Variants in ARFIP1 observed in about 807,000 individuals in gnomAD.
ARFIP1 encodes ARF interacting protein 1.
Under a neutral mutation model 42.5 loss-of-function variants are expected in ARFIP1, and 24 were observed. That is an observed-to-expected ratio of 0.57 (90% CI 0.41 to 0.80). The LOEUF (loss-of-function observed/expected upper bound fraction) is 0.80, where lower values mean the gene tolerates loss of function less well. Among genes scored for constraint, ARFIP1 ranks in the 30% least tolerant of loss-of-function variants. The pLI is 0.00. For missense variants in ARFIP1, 354 were observed against 434.0 expected (o/e 0.82, Z 1.64); for synonymous variants, 141 against 153.7 (o/e 0.92, Z 0.61).
chr4:152,887,222 G>C (rs112214242), intron 7 of ARFIP1, among the ~76,000 whole-genome samples: 182 of 152,076 alleles, frequency 1.2e-3, no homozygotes, highest in African/African-American at 4.1e-3. Flanking sequence ...CTGTGATAGA[G>C]CTATTATGAG....
chr4:152,851,802 T>A (rs1409112974), intron 2 of ARFIP1, among the ~76,000 whole-genome samples: 1 of 152,208 alleles, frequency 6.6e-6, no homozygotes, highest in East Asian at 1.9e-4. Context: ...TGTGTTGGTT[T>A]TACACTACAG....
intron 1 of ARFIP1, among the ~76,000 whole-genome samples, chr4:152,804,947 A>G (rs1383669351): frequency 6.6e-6 from 1 of 152,106 alleles, no homozygotes; most frequent in Non-Finnish European, 1.5e-5. Flanking sequence ...CTCATCTGTA[A>G]GATTGGGAAA....
At chr4:152,893,312 C>T (rs755386833) in intron 8 of ARFIP1, among the ~76,000 whole-genome samples, 6 of 152,184 alleles carry the variant, frequency 3.9e-5, no homozygotes, top group South Asian at 2.1e-4. Context: ...AGCATAGTCT[C>T]TCAGAAATGC....
At chr4:152,809,946 TTGAAC>T (rs1415108514) in intron 1 of ARFIP1, 1 of 152,228 alleles carries the variant, frequency 6.6e-6, no homozygotes, top group African/African-American at 2.4e-5. Context: ...TAGAATGTAC[TTGAAC>T]TTAACAAGGA....
At chr4:152,826,239 G>A (rs1437118647) in intron 1 of ARFIP1, among the ~76,000 whole-genome samples, 1 of 152,112 alleles carries the variant, frequency 6.6e-6, no homozygotes, top group East Asian at 1.9e-4. Flanking sequence ...CAACCAATGA[G>A]TAGATAAAGA....
chr4:152,812,164 C>A (rs993956506), intron 1 of ARFIP1, among the ~76,000 whole-genome samples: 1 of 152,118 alleles, frequency 6.6e-6, no homozygotes, highest in African/African-American at 2.4e-5. Flanking sequence ...CTCCCCTTAC[C>A]CCCAGAATCT....
intron 1 of ARFIP1, among the ~76,000 whole-genome samples, chr4:152,827,673 A>G (rs1730948811): frequency 6.6e-6 from 1 of 151,968 alleles, no homozygotes; most frequent in African/African-American, 2.4e-5. Context: ...AGCCTTTTCA[A>G]ATTGGGTTTT....
intron 5 of ARFIP1, among the ~76,000 whole-genome samples, chr4:152,875,405 T>C (rs370023561): frequency 2.1e-5 from 3 of 139,536 alleles, no homozygotes; most frequent in Non-Finnish European, 3.1e-5. Flanking sequence ...AAAAAAAGAA[T>C]AATCTCTCAG....
chr4:152,806,205 AAC>A (rs1309483195), intron 1 of ARFIP1, among the ~76,000 whole-genome samples: 1 of 152,252 alleles, frequency 6.6e-6, no homozygotes, highest in Non-Finnish European at 1.5e-5. Flanking sequence ...CTCTGGATCA[AAC>A]ACAGGGAAAA....
At chr4:152,787,572 A>G (rs1466851916) in intron 1 of ARFIP1, among the ~76,000 whole-genome samples, 1 of 152,394 alleles carries the variant, frequency 6.6e-6, no homozygotes, top group East Asian at 1.9e-4. Flanking sequence ...ATATAAATTC[A>G]GAGACGGGAA....
chr4:152,828,005 T>A (rs1730974079), intron 1 of ARFIP1, among the ~76,000 whole-genome samples: 1 of 152,214 alleles, frequency 6.6e-6, no homozygotes, highest in South Asian at 2.1e-4. Context: ...TTGCATAAAT[T>A]TCCTCCATGT....
intron 8 of ARFIP1, among the ~76,000 whole-genome samples, chr4:152,898,349 A>G (rs879364498): frequency 7.9e-5 from 12 of 152,234 alleles, no homozygotes; most frequent in East Asian, 3.9e-4. Flanking sequence ...TGTTGACCAT[A>G]ATTTCCTTCC....
At chr4:152,904,940 T>C (rs1372064652) in intron 8 of ARFIP1, among the ~76,000 whole-genome samples, 1 of 152,178 alleles carries the variant, frequency 6.6e-6, no homozygotes, top group Non-Finnish European at 1.5e-5. Flanking sequence ...TCAAATGGTA[T>C]TTCTGGTTCT....
intron 2 of ARFIP1, among the ~76,000 whole-genome samples, chr4:152,839,974 T>C (rs1280306190): frequency 6.6e-6 from 1 of 152,068 alleles, no homozygotes; most frequent in Non-Finnish European, 1.5e-5. Context: ...GAGGTTTTGA[T>C]AGGTTAATTT....
chr4:152,822,067 A>G (rs1256912880), intron 1 of ARFIP1, among the ~76,000 whole-genome samples: 3 of 152,196 alleles, frequency 2.0e-5, no homozygotes, highest in African/African-American at 7.2e-5. Flanking sequence ...AGTGAAGAAA[A>G]CAGTCACTAG....
chr4:152,787,424 G>A (rs1273958798), intron 1 of ARFIP1, among the ~76,000 whole-genome samples: 4 of 152,188 alleles, frequency 2.6e-5, no homozygotes, highest in Non-Finnish European at 5.9e-5. Context: ...GTTTCTCCAA[G>A]AGAAAAAAGA....
rs567866755 is a variant in ARFIP1, at chr4:152,846,094, A to G, written c.93+16368A>G. 7.2e-5 allele frequency among the ~76,000 whole-genome samples: 11 copies of G among 152,342 alleles called. No individual in the cohort carries two copies. The South Asian group carries it at 2.1e-3, about 29-fold the overall frequency. ...CACCTGTTTTTGTTGCTGCTGAATT[A>G]ACACAGGAACAGAAAACCAAATACC... On this transcript the variant is annotated intron_variant, in intron 2 of 8. Transcript: ENST00000353617.
At chr4:152,898,221 A>T (rs1373014118) in intron 8 of ARFIP1, among the ~76,000 whole-genome samples, 1 of 151,760 alleles carries the variant, frequency 6.6e-6, no homozygotes, top group Admixed American at 6.6e-5. Context: ...TGACCTTGTG[A>T]TCCACCCGCC....
At chr4:152,889,906 T>C (rs1236475857) in intron 8 of ARFIP1, among the ~76,000 whole-genome samples, 6 of 136,872 alleles carry the variant, frequency 4.4e-5, no homozygotes, top group African/African-American at 8.2e-5. Context: ...ACTATATATA[T>C]ACTAATATAT....
Sources: allele counts gnomAD v4.1 joint callset (sites outside exome capture counted in the v4.1 genomes callset), GRCh38; gene constraint gnomAD v4.1.1; transcripts MANE v1.5; gene names NCBI Gene and HGNC (gene_info 2026-07-23, HGNC 2026-07-21).